SLC2A13: variants seen among roughly 807,000 people sequenced by gnomAD.
The protein encoded by SLC2A13 is proton myo-inositol cotransporter.
SLC2A13 carries 32 observed loss-of-function variants against 64.4 expected under a neutral mutation model. The ratio of observed to expected loss-of-function variants is 0.50; its 90% CI spans 0.37 to 0.67. SLC2A13 has a LOEUF of 0.67. Ranked by LOEUF, SLC2A13 falls within the 30% of genes least tolerant of loss-of-function variation. The pLI, the probability that SLC2A13 is intolerant of heterozygous loss-of-function variation, is 0.00. For synonymous variants in SLC2A13, 338 were observed against 327.1 expected (o/e 1.03, Z -0.36); for missense variants, 743 against 829.2 (o/e 0.90, Z 1.28).
At chr12:39,947,245 A>G (rs774391428) in intron 4 of SLC2A13, among the ~76,000 whole-genome samples, 8 of 152,236 alleles carry the variant, frequency 5.3e-5, no homozygotes, top group Non-Finnish European at 1.2e-4. Context: ...TATCCGAAGC[A>G]AACTCAAAAG....
intron 1 of SLC2A13, among the ~76,000 whole-genome samples, chr12:40,088,290 T>G (rs1307731510): frequency 6.6e-6 from 1 of 152,234 alleles, no homozygotes; most frequent in African/African-American, 2.4e-5. Context: ...AAAAAGATGA[T>G]GCAAACACTG....
chr12:40,067,335 A>T (rs1937771709), intron 1 of SLC2A13, among the ~76,000 whole-genome samples: 1 of 151,932 alleles, frequency 6.6e-6, no homozygotes, highest in African/African-American at 2.4e-5. Flanking sequence ...CTGAGTAGAT[A>T]GGGCTACAGT....
rs76476941 is a variant in SLC2A13 at position 39,841,280 on chromosome 12, A to C, written c.1320-11052T>G. 6.2e-3 allele frequency among the ~76,000 whole-genome samples: 941 copies of C among 152,268 alleles called. 12 individuals carry two copies. Among genetic ancestry groups the C allele is most frequent in the African/African-American group, 0.021 (890 of 41,564 alleles). On this transcript the variant is annotated intron_variant, in intron 6 of 9. Transcript: ENST00000280871. ...TGGTTTTTCTTTGCTTTTGCGATTTAACATATATTGGTATTTTAGGCCGGA... is the reference window on the plus strand; with the variant it reads ...TGGTTTTTCTTTGCTTTTGCGATTTCACATATATTGGTATTTTAGGCCGGA...
chr12:40,006,514 A>C (rs921306773), intron 3 of SLC2A13, among the ~76,000 whole-genome samples: 1 of 152,242 alleles, frequency 6.6e-6, no homozygotes, highest in African/African-American at 2.4e-5. Context: ...ATGTAAGCTT[A>C]TTAGTAAGAA....
chr12:39,815,088 T>G (rs1942303775), intron 7 of SLC2A13, among the ~76,000 whole-genome samples: 1 of 152,060 alleles, frequency 6.6e-6, no homozygotes, highest in Non-Finnish European at 1.5e-5. Context: ...AGAAGTAAAA[T>G]AAATGACCCA....
At chr12:39,883,873 G>A (rs578027918) in intron 4 of SLC2A13, among the ~76,000 whole-genome samples, 188 of 152,184 alleles carry the variant, frequency 1.2e-3, no homozygotes, top group Non-Finnish European at 2.3e-3. Context: ...AGCAAAACAC[G>A]GAAGTATATT....
intron 4 of SLC2A13, among the ~76,000 whole-genome samples, chr12:39,920,568 G>A (rs7955109): frequency 0.96 from 146,657 of 152,090 alleles, 70,975 homozygotes; most frequent in East Asian, 1. Context: ...CAAAGCATCT[G>A]GTCAGTGAAC....
intron 3 of SLC2A13, among the ~76,000 whole-genome samples, chr12:40,026,834 C>G (rs1490087125): frequency 3.9e-5 from 6 of 152,192 alleles, no homozygotes; most frequent in Non-Finnish European, 8.8e-5. Context: ...AATCCCAGTA[C>G]TTTGGGAGGC....
chr12:39,963,674 G>C (rs1373298366), intron 3 of SLC2A13, among the ~76,000 whole-genome samples: 3 of 152,164 alleles, frequency 2.0e-5, no homozygotes, highest in African/African-American at 7.2e-5. Flanking sequence ...ATCTCTATCA[G>C]AGCAGAGCAT....
intron 3 of SLC2A13, among the ~76,000 whole-genome samples, chr12:39,956,362 G>A (rs1182170690): frequency 2.6e-5 from 4 of 152,158 alleles, no homozygotes; most frequent in African/African-American, 9.7e-5. Context: ...ATGTTCACTT[G>A]CATGGTTGTG....
intron 1 of SLC2A13, among the ~76,000 whole-genome samples, chr12:40,094,970 A>G (rs1938890424): frequency 6.6e-6 from 1 of 152,236 alleles, no homozygotes; most frequent in South Asian, 2.1e-4. Flanking sequence ...GAGGAAACCC[A>G]AAAGAGAGGA....
chr12:40,001,976 C>G (rs1011371645), intron 3 of SLC2A13, among the ~76,000 whole-genome samples: 9 of 152,136 alleles, frequency 5.9e-5, no homozygotes, highest in African/African-American at 2.2e-4. Flanking sequence ...TTTAACCTAG[C>G]AAATAGATGA....
intron 6 of SLC2A13, among the ~76,000 whole-genome samples, chr12:39,857,793 T>A (rs763619649): frequency 2.0e-5 from 3 of 152,210 alleles, no homozygotes; most frequent in Non-Finnish European, 4.4e-5. Context: ...TATGACCCAG[T>A]CTTGTTGGTC....
At chr12:39,849,359 A>G (rs559730832) in intron 6 of SLC2A13, among the ~76,000 whole-genome samples, 1 of 152,106 alleles carries the variant, frequency 6.6e-6, no homozygotes, top group Non-Finnish European at 1.5e-5. Flanking sequence ...AAGGTGACCT[A>G]AAAGTCTCAG....
intron 6 of SLC2A13, among the ~76,000 whole-genome samples, chr12:39,840,881 A>C (rs549850223): frequency 1.3e-3 from 201 of 152,248 alleles, no homozygotes; most frequent in African/African-American, 4.7e-3. Flanking sequence ...GTAAGTAATG[A>C]GATGAATGAA....
intron 3 of SLC2A13, among the ~76,000 whole-genome samples, chr12:39,966,737 A>C (rs1207321858): frequency 1.3e-5 from 2 of 152,100 alleles, no homozygotes; most frequent in Admixed American, 6.5e-5. Flanking sequence ...GTGCTTTCCT[A>C]CTGTGTATAA....
At chr12:39,825,542 G>A (rs962557307) in intron 7 of SLC2A13, among the ~76,000 whole-genome samples, 7 of 152,164 alleles carry the variant, frequency 4.6e-5, no homozygotes, top group East Asian at 1.9e-4. Flanking sequence ...ACAGAGGTTC[G>A]GAATTGGTTC....
intron 3 of SLC2A13, among the ~76,000 whole-genome samples, chr12:39,978,348 G>A (rs1383296227): frequency 6.6e-6 from 1 of 152,204 alleles, no homozygotes; most frequent in Non-Finnish European, 1.5e-5. Flanking sequence ...AACAGCTCCA[G>A]TCTACAGCTC....
intron 7 of SLC2A13, among the ~76,000 whole-genome samples, chr12:39,781,195 C>A (rs1480449160): frequency 1.3e-5 from 2 of 152,160 alleles, no homozygotes; most frequent in Non-Finnish European, 2.9e-5. Context: ...CTATCTCAAT[C>A]CTTCCAAATC....
Sources: gnomAD v4.1 joint callset for allele counts (sites outside exome capture counted in the v4.1 genomes callset) on GRCh38, gnomAD v4.1.1 for gene constraint, MANE v1.5 for transcripts, NCBI Gene and HGNC (gene_info 2026-07-23, HGNC 2026-07-21) for gene names.